Variants in ERC2 observed in about 807,000 individuals in gnomAD.
The protein encoded by ERC2 is ELKS/RAB6-interacting/CAST family member 2, also known as ERC protein 2.
A neutral mutation model predicts 114.8 loss-of-function variants in ERC2; 42 were observed. The observed-to-expected ratio is 0.37, with a 90% CI of 0.29 to 0.47. The LOEUF is 0.47. ERC2 is among the 20% of genes least tolerant of loss of function. The pLI is 0.99. For missense variants in ERC2, 939 were observed against 1,150.7 expected (o/e 0.82, Z 2.66); for synonymous variants, 454 against 425.5 (o/e 1.07, Z -0.82).
In ERC2 at chr3:55,724,208, C is replaced by T. The variant is rs138695253; in HGVS notation, c.2712+10563G>A. On this transcript the variant is annotated intron_variant, in intron 15 of 17. Transcript: ENST00000288221. Reference sequence around the variant, plus strand: ...TGCAGCCTTCTCCCCTAGTGGCAACCGGTGATGTCTGGTGATGCAGGAAGA... The same window carrying T: ...TGCAGCCTTCTCCCCTAGTGGCAACTGGTGATGTCTGGTGATGCAGGAAGA... Among the ~76,000 whole-genome samples the T allele has an allele frequency of 2.5e-3, 379 of 152,244 alleles. 5 individuals carry two copies. Among genetic ancestry groups the T allele is most frequent in the African/African-American group, 8.3e-3 (346 of 41,548 alleles).
intron 2 of ERC2, among the ~76,000 whole-genome samples, chr3:56,396,217 CTTGCTCAATTGGGTATTTGTAA>C (rs1287308958): frequency 4.6e-5 from 7 of 152,172 alleles, no homozygotes; most frequent in Non-Finnish European, 8.8e-5. Context: ...TTCAGACATT[CTTGCTCAATTGGGTATTTGTAA>C]TACTAAAAAA....
intron 13 of ERC2, among the ~76,000 whole-genome samples, chr3:55,928,856 G>A (rs923532368): frequency 1.3e-5 from 2 of 152,170 alleles, no homozygotes; most frequent in Non-Finnish European, 2.9e-5. Context: ...ACCATTTACT[G>A]AAGAGACTGT....
chr3:55,878,474 C>T (rs1373643735), intron 14 of ERC2, among the ~76,000 whole-genome samples: 2 of 152,192 alleles, frequency 1.3e-5, no homozygotes, highest in Non-Finnish European at 2.9e-5. Flanking sequence ...CCACTGCTTT[C>T]TACTATTTAA....
intron 17 of ERC2, among the ~76,000 whole-genome samples, chr3:55,514,908 A>G (rs569316161): frequency 1.3e-5 from 2 of 152,342 alleles, no homozygotes; most frequent in East Asian, 3.9e-4. Context: ...GTAATTTGCT[A>G]TGTAGCCAAA....
At chr3:56,079,108 G>A (rs2077109038) in intron 7 of ERC2, among the ~76,000 whole-genome samples, 1 of 151,934 alleles carries the variant, frequency 6.6e-6, no homozygotes, top group South Asian at 2.1e-4. Flanking sequence ...AACATAATGT[G>A]AGTCACACAG....
At chr3:56,152,742 T>C (rs2081490123) in intron 4 of ERC2, among the ~76,000 whole-genome samples, 1 of 152,200 alleles carries the variant, frequency 6.6e-6, no homozygotes, top group Non-Finnish European at 1.5e-5. Context: ...ATTGAGTGTC[T>C]CTTTTCAATC....
chr3:55,614,082 A>T (rs2059024848), intron 17 of ERC2, among the ~76,000 whole-genome samples: 1 of 151,038 alleles, frequency 6.6e-6, no homozygotes, highest in Non-Finnish European at 1.5e-5. Context: ...CACTTCATAG[A>T]CTTCTGTTCA....
chr3:56,463,094 A>T (rs1167359439), intron 1 of ERC2, among the ~76,000 whole-genome samples: 1 of 152,118 alleles, frequency 6.6e-6, no homozygotes, highest in Non-Finnish European at 1.5e-5. Context: ...CAGGCATGGT[A>T]GTGCGCACCT....
intron 17 of ERC2, among the ~76,000 whole-genome samples, chr3:55,679,221 T>C (rs2061947324): frequency 6.6e-6 from 1 of 152,206 alleles, no homozygotes; most frequent in African/African-American, 2.4e-5. Flanking sequence ...CCCAGAGTTA[T>C]GGTCTTCAAG....
At chr3:55,890,697 T>C (rs1197385660) in intron 13 of ERC2, among the ~76,000 whole-genome samples, 1 of 152,226 alleles carries the variant, frequency 6.6e-6, no homozygotes, top group African/African-American at 2.4e-5. Context: ...TTGTAACTGA[T>C]GGAGAAGCCA....
rs557807268 is a variant in ERC2 at position 55,933,227 on chromosome 3, G to A, written c.2403+17198C>T. On this transcript the variant is annotated intron_variant, in intron 13 of 17. Transcript: ENST00000288221. Reference sequence around the variant, plus strand: ...TTGTCTCAAAAAAAAAAAAAAGAGAGAGAATAAAGAAAGTAACCATGCCCA... The same window carrying A: ...TTGTCTCAAAAAAAAAAAAAAGAGAAAGAATAAAGAAAGTAACCATGCCCA... Among the ~76,000 whole-genome samples the A allele has an allele frequency of 6.0e-5, 9 of 150,738 alleles. No homozygotes were observed. In the South Asian group the frequency reaches 1.9e-3, roughly 32 times the overall value.
At chr3:56,334,808 T>C (rs1319863721) in intron 2 of ERC2, among the ~76,000 whole-genome samples, 1 of 142,002 alleles carries the variant, frequency 7.0e-6, no homozygotes, top group Non-Finnish European at 1.5e-5. Context: ...TATTTGTTTG[T>C]TTGTTTGTTT....
At chr3:55,543,892 C>T (rs976167023) in intron 17 of ERC2, among the ~76,000 whole-genome samples, 2 of 152,196 alleles carry the variant, frequency 1.3e-5, no homozygotes, top group Admixed American at 1.3e-4. Context: ...TAATCAACTC[C>T]ACCTCCCCAC....
At chr3:55,815,880 A>G (rs1414949022) in intron 14 of ERC2, among the ~76,000 whole-genome samples, 1 of 152,212 alleles carries the variant, frequency 6.6e-6, no homozygotes, top group Non-Finnish European at 1.5e-5. Flanking sequence ...GTGAGTAAGC[A>G]GGTTACCACT....
At chr3:56,117,076 C>G (rs1367425251) in intron 6 of ERC2, among the ~76,000 whole-genome samples, 1 of 152,096 alleles carries the variant, frequency 6.6e-6, no homozygotes, top group Non-Finnish European at 1.5e-5. Context: ...AAGATAAATC[C>G]TGGATTTGAA....
chr3:55,853,547 A>C (rs1023834799), intron 14 of ERC2, among the ~76,000 whole-genome samples: 2 of 152,216 alleles, frequency 1.3e-5, no homozygotes, highest in South Asian at 4.1e-4. Flanking sequence ...AGAAAAAAAA[A>C]GAAAGCACTA....
intron 2 of ERC2, among the ~76,000 whole-genome samples, chr3:56,361,543 C>G (rs890290244): frequency 1.3e-5 from 2 of 152,146 alleles, no homozygotes; most frequent in Non-Finnish European, 2.9e-5. Context: ...ATGGTCAAGA[C>G]TCAATATTCT....
At chr3:55,731,536 G>A (rs1339399438) in intron 15 of ERC2, among the ~76,000 whole-genome samples, 1 of 152,216 alleles carries the variant, frequency 6.6e-6, no homozygotes, top group Admixed American at 6.5e-5. Flanking sequence ...GGTTGAAGAA[G>A]GTTTAGTATC....
chr3:56,009,049 TGTTTACC>T (rs2072717294), intron 9 of ERC2, among the ~76,000 whole-genome samples: 1 of 152,186 alleles, frequency 6.6e-6, no homozygotes, highest in Admixed American at 6.6e-5. Context: ...AAACAACAAG[TGTTTACC>T]AAAATGTCTA....
Sources: gnomAD v4.1 joint callset for allele counts (sites outside exome capture counted in the v4.1 genomes callset) on GRCh38, gnomAD v4.1.1 for gene constraint, MANE v1.5 for transcripts, NCBI Gene and HGNC (gene_info 2026-07-23, HGNC 2026-07-21) for gene names.